ADGRB3: variants seen among roughly 807,000 people sequenced by gnomAD.
ADGRB3 encodes brain-specific angiogenesis inhibitor 3.
A neutral mutation model predicts 193.4 loss-of-function variants in ADGRB3; 37 were observed. The observed-to-expected ratio is 0.19, with a 90% CI of 0.15 to 0.25. The LOEUF (loss-of-function observed/expected upper bound fraction) is 0.25, where lower values mean the gene tolerates loss of function less well. Among genes scored for constraint, ADGRB3 ranks in the 10% least tolerant of loss-of-function variants. The pLI is 1.00. For synonymous variants in ADGRB3, 690 were observed against 644.2 expected, an observed-to-expected ratio of 1.07 and a Z score of -1.08; for missense variants, 1,637 against 1,852.9, an observed-to-expected ratio of 0.88 and a Z score of 2.14.
At chr6:68,843,051 C>A (rs12055834) in intron 3 of ADGRB3, among the ~76,000 whole-genome samples, 37,010 of 129,712 alleles carry the variant, frequency 0.29, 5,106 homozygotes, top group Non-Finnish European at 0.34. Context: ...TATACAACAA[C>A]AAAAAAAAAA....
At chr6:68,842,211 T>C (rs546970) in intron 3 of ADGRB3, among the ~76,000 whole-genome samples, 132,547 of 151,758 alleles carry the variant, frequency 0.87, 58,134 homozygotes, top group Middle Eastern at 0.95. Flanking sequence ...ATGAAGAAAA[T>C]AATACAAAAA....
chr6:68,892,569 C>G (rs963981273), intron 3 of ADGRB3, among the ~76,000 whole-genome samples: 4 of 152,038 alleles, frequency 2.6e-5, no homozygotes, highest in Non-Finnish European at 5.9e-5. Context: ...TTTTCCTTGG[C>G]CTCCACCACT....
intron 17 of ADGRB3, among the ~76,000 whole-genome samples, chr6:69,188,938 G>T (rs1765125659): frequency 6.6e-6 from 1 of 151,930 alleles, no homozygotes; most frequent in Non-Finnish European, 1.5e-5. Flanking sequence ...TAAAGTATCT[G>T]CGTAAAATAA....
chr6:69,163,383 C>A (rs911052324), intron 17 of ADGRB3, among the ~76,000 whole-genome samples: 5 of 152,034 alleles, frequency 3.3e-5, no homozygotes, highest in Non-Finnish European at 7.4e-5. Context: ...CAACCAGGTA[C>A]CCCTCTTCCT....
chr6:69,342,259 C>T (rs1440026447), intron 26 of ADGRB3, among the ~76,000 whole-genome samples: 1 of 151,974 alleles, frequency 6.6e-6, no homozygotes, highest in Non-Finnish European at 1.5e-5. Context: ...ATTATTAGTT[C>T]AAGTTGAATA....
chr6:68,765,862 A>G (rs143705344), intron 3 of ADGRB3, among the ~76,000 whole-genome samples: 2 of 152,172 alleles, frequency 1.3e-5, no homozygotes, highest in East Asian at 3.9e-4. Context: ...CGGACTAGGT[A>G]ACTGTTTTTA....
At chr6:69,167,570 T>A (rs1216725605) in intron 17 of ADGRB3, among the ~76,000 whole-genome samples, 1 of 152,180 alleles carries the variant, frequency 6.6e-6, no homozygotes, top group African/African-American at 2.4e-5. Context: ...ATTTGGGTTT[T>A]TCCAGTTTTG....
rs1187967920 is a variant in ADGRB3 at position 69,075,982 on chromosome 6, G to C, written c.2437-13G>C. 6.2e-7 allele frequency: 1 copy of C among 1,602,358 alleles called. No homozygotes were observed. The highest frequency in any genetic ancestry group is 8.5e-7 in the Non-Finnish European group (1 of 1,170,720). On this transcript the variant is annotated splice_polypyrimidine_tract_variant and intron_variant, in intron 16 of 31. Transcript: ENST00000370598. ...CTCAAGATATATGCATTCTTTCTCTGCTTTTTTTTTAGGGTACTTTGAATC... is the reference window on the plus strand; with the variant it reads ...CTCAAGATATATGCATTCTTTCTCTCCTTTTTTTTTAGGGTACTTTGAATC...
At position 69,155,240 on chromosome 6, in the gene ADGRB3, A is replaced by G. The variant is rs368814091; in HGVS notation, c.2481-78050A>G. Among the ~76,000 whole-genome samples the G allele has an allele frequency of 3.4e-4, 52 of 152,320 alleles. 1 individual carries two copies. In the East Asian group the frequency reaches 8.3e-3, roughly 24 times the overall value. On this transcript the variant is annotated intron_variant, in intron 17 of 31. Transcript: ENST00000370598. ...AAACTGAATATTTCATGCCGTGACA[A>G]TGTTTGCCCTTCCCAGCCACATCTC...
chr6:68,977,985 A>T (rs1363665367), intron 10 of ADGRB3, among the ~76,000 whole-genome samples: 1 of 151,574 alleles, frequency 6.6e-6, no homozygotes, highest in Non-Finnish European at 1.5e-5. Flanking sequence ...TGCTGGGAGC[A>T]GTATTTTCTG....
At chr6:69,038,782 T>C (rs542406120) in intron 13 of ADGRB3, among the ~76,000 whole-genome samples, 1 of 152,362 alleles carries the variant, frequency 6.6e-6, no homozygotes, top group African/African-American at 2.4e-5. Flanking sequence ...TCTTAAATGA[T>C]ATTTCTCTTT....
intron 17 of ADGRB3, among the ~76,000 whole-genome samples, chr6:69,135,165 A>G (rs557607726): frequency 3.9e-5 from 6 of 152,034 alleles, no homozygotes; most frequent in African/African-American, 9.7e-5. Context: ...AAAATTCCAA[A>G]TAAGTACCAG....
intron 17 of ADGRB3, among the ~76,000 whole-genome samples, chr6:69,202,655 C>T (rs1512234): frequency 0.098 from 14,931 of 152,032 alleles, 829 homozygotes; most frequent in Middle Eastern, 0.11. Flanking sequence ...AGTTAATCTC[C>T]CACAGATAGT....
chr6:69,252,748 A>G (rs962684213), intron 20 of ADGRB3, among the ~76,000 whole-genome samples: 5 of 152,030 alleles, frequency 3.3e-5, no homozygotes, highest in African/African-American at 9.7e-5. Context: ...GCTAGTGTTT[A>G]CACTTCATTA....
At chr6:68,759,373 C>G (rs952180448) in intron 3 of ADGRB3, among the ~76,000 whole-genome samples, 1 of 152,058 alleles carries the variant, frequency 6.6e-6, no homozygotes. Context: ...GTTTTGAGAA[C>G]TTTTTTCTTT....
At chr6:68,728,806 C>G (rs905912603) in intron 3 of ADGRB3, among the ~76,000 whole-genome samples, 1 of 151,498 alleles carries the variant, frequency 6.6e-6, no homozygotes, top group Non-Finnish European at 1.5e-5. Context: ...CATCATGGCT[C>G]CAGGATCCCG....
intron 10 of ADGRB3, among the ~76,000 whole-genome samples, chr6:68,983,108 A>T (rs1450197972): frequency 3.3e-5 from 5 of 152,172 alleles, no homozygotes; most frequent in African/African-American, 1.2e-4. Context: ...CAGTAAATTT[A>T]AATTGTATTA....
chr6:68,993,189 C>A (rs1769288207), intron 10 of ADGRB3, among the ~76,000 whole-genome samples: 2 of 114,328 alleles, frequency 1.7e-5, no homozygotes, highest in South Asian at 5.6e-4. Flanking sequence ...ATTGTTTTTG[C>A]TGTTTTTTTT....
intron 29 of ADGRB3, among the ~76,000 whole-genome samples, chr6:69,366,455 T>C (rs1050728907): frequency 6.6e-6 from 1 of 152,104 alleles, no homozygotes; most frequent in Non-Finnish European, 1.5e-5. Context: ...CCAGCTTAAT[T>C]TGCAGTGACG....
Sources: gnomAD v4.1 joint callset for allele counts (sites outside exome capture counted in the v4.1 genomes callset) on GRCh38, gnomAD v4.1.1 for gene constraint, MANE v1.5 for transcripts, NCBI Gene and HGNC (gene_info 2026-07-23, HGNC 2026-07-21) for gene names.